CXCR2: variants seen among roughly 807,000 people sequenced by gnomAD.
CXCR2 encodes the protein C-X-C chemokine receptor type 2.
In CXCR2, 2 loss-of-function variants were observed where a neutral mutation model predicts 3.7. The observed-to-expected ratio is 0.55, with a 90% CI of 0.22 to 1.72. CXCR2 has a LOEUF of 1.72. CXCR2 is among the 40% of genes most tolerant of loss of function. CXCR2 has a pLI of 0.19. For synonymous variants in CXCR2, 203 were observed against 193.3 expected (o/e 1.05, Z -0.41); for missense variants, 351 against 450.1 (o/e 0.78, Z 1.99).
chr2:218,135,164 G>A lies in CXCR2; in HGVS notation c.363G>A (p.Val121=), dbSNP rs1231204062. 1 of 1,614,158 alleles carries A rather than the reference G, an allele frequency of 6.2e-7. No individual in the cohort carries two copies. Among genetic ancestry groups the A allele is most frequent in the South Asian group, 1.1e-5 (1 of 91,078 alleles). ...TTTTTGGCACATTCCTGTGCAAGGT[G>A]GTCTCACTCCTGAAGGAAGTCAACT... ...GWIFGTFLCK[V]VSLLKEVNFY... is the part of the protein sequence containing the mutation. Residue 121 remains valine, a synonymous_variant, in exon 3 of 3, where the codon GTG becomes GTA. Transcript: ENST00000318507. The surrounding 1 kb of genome is among the most constrained non-coding windows in gnomAD (Gnocchi z 4.0).
At position 218,135,741 on chromosome 2, in the gene CXCR2, T is replaced by C; in HGVS notation, c.940T>C (p.Tyr314His). Residue 314 changes from tyrosine to histidine, a missense_variant, in exon 3 of 3, where the codon TAC becomes CAC. By Grantham distance (83) the Tyr-to-His change is moderately conservative. Transcript: ENST00000318507. This position sits in a 1 kb window ranked among gnomAD's most constrained non-coding sequence, Gnocchi z 4.0. ...TCACAGCTGCCTCAACCCCCTCATCTACGCCTTCATTGGCCAGAAGTTTCG... is the reference window on the plus strand; with the variant it reads ...TCACAGCTGCCTCAACCCCCTCATCCACGCCTTCATTGGCCAGAAGTTTCG... ...ILHSCLNPLIYAFIGQKFRHG... is the reference protein window; with the variant it reads ...ILHSCLNPLIHAFIGQKFRHG... The C allele has an allele frequency of 6.2e-7, 1 of 1,614,096 alleles. No individual in the cohort carries two copies. The highest frequency in any genetic ancestry group is 8.5e-7 in the Non-Finnish European group (1 of 1,180,014).
chr2:218,136,514 A>G lies in CXCR2; in HGVS notation c.*630A>G, dbSNP rs1277642226. ...TAAAATGGTGTGACCACTGCAGAAG[A>G]CAGTATGGCAGCTTTCCTCAAAACT... On this transcript the variant is annotated 3_prime_UTR_variant, in exon 3 of 3. Transcript: ENST00000318507. 6.0e-6 allele frequency: 1 copy of G among 167,128 alleles called. No homozygotes were observed. The highest frequency in any genetic ancestry group is 2.4e-5 in the African/African-American group (1 of 41,434). 10.4% of individuals were successfully genotyped at this position (167,128 alleles called of 1,614,324 possible). A position where few individuals can be genotyped will look rare whatever the true frequency, so the allele number is the denominator to read the frequency against.
rs1690501614 is a variant in CXCR2 at position 218,126,111 on chromosome 2, C to T, written c.-320C>T. On this transcript the variant is annotated 5_prime_UTR_variant, in exon 1 of 3. Coordinates refer to ENST00000318507, the MANE Select transcript of CXCR2 (RefSeq NM_001557.4). ...CCATCAGACAGGAAGATGTGAAAAT[C>T]CCCAGCACTCATCCCAGAATCACTA... is the stretch of plus-strand genomic sequence containing the variant. The T allele has an allele frequency of 1.3e-5, 2 of 152,362 alleles. No homozygotes were observed. Among genetic ancestry groups the T allele is most frequent in the Admixed American group, 1.3e-4 (2 of 15,284 alleles). 9.4% of individuals were successfully genotyped at this position (152,362 alleles called of 1,614,324 possible). A position where few individuals can be genotyped will look rare whatever the true frequency, so the allele number is the denominator to read the frequency against.
At chr2:218,129,545 T>G (rs961533724) in intron 2 of CXCR2, among the ~76,000 whole-genome samples, 180 bp downstream of exon 2, 2 of 152,066 alleles carry the variant, frequency 1.3e-5, no homozygotes, top group African/African-American at 4.8e-5. Flanking sequence ...AGGAAGAACT[T>G]CTGTTCCTCC....
At position 218,132,668 on chromosome 2, in the gene CXCR2, T is replaced by C. The variant is rs17844695; in HGVS notation, c.-25-2109T>C. Reference sequence around the variant, plus strand: ...TATAACACAATGGTATTCTTATATATAAACATAGGAAAAGAACACTAAAAA... The same window carrying C: ...TATAACACAATGGTATTCTTATATACAAACATAGGAAAAGAACACTAAAAA... On this transcript the variant is annotated intron_variant, in intron 2 of 2. Coordinates refer to ENST00000318507, the MANE Select transcript of CXCR2 (RefSeq NM_001557.4). Among the ~76,000 whole-genome samples, 1,193 of 152,308 alleles carry C rather than the reference T, an allele frequency of 7.8e-3. 20 individuals carry two copies. The highest frequency in any genetic ancestry group is 0.027 in the African/African-American group (1,133 of 41,562).
intron 2 of CXCR2, among the ~76,000 whole-genome samples, chr2:218,129,948 A>T (rs1203710622): frequency 6.6e-6 from 1 of 152,114 alleles, no homozygotes; most frequent in Non-Finnish European, 1.5e-5. Context: ...CTCCCTTTTT[A>T]TCCTGGAATA....
At chr2:218,128,341 C>A (rs1274157647) in intron 1 of CXCR2, among the ~76,000 whole-genome samples, 1 of 152,154 alleles carries the variant, frequency 6.6e-6, no homozygotes. Context: ...AAGATTCTTT[C>A]TTTGGGGTAG....
chr2:218,134,737 G>A (rs1205335805), intron 2 of CXCR2, 40 bp from the exon 3 acceptor site: 3 of 1,529,124 alleles, frequency 2.0e-6, no homozygotes, highest in African/African-American at 2.8e-5. Context: ...CAAGAATATG[G>A]GGAATTTATT....
chr2:218,129,400 A>G (rs1189280911), intron 2 of CXCR2, 35 bp downstream of exon 2: 4 of 152,366 alleles, frequency 2.6e-5, no homozygotes, highest in African/African-American at 9.7e-5. Context: ...CCCACCAGCT[A>G]GAATGTCTCT....
chr2:218,131,657 G>A (rs989824897), intron 2 of CXCR2, among the ~76,000 whole-genome samples: 1 of 151,638 alleles, frequency 6.6e-6, no homozygotes, highest in Non-Finnish European at 1.5e-5. Context: ...TTTTAGTAGA[G>A]ACGGGGTTTC....
Position 218,135,203 on chromosome 2 carries a change from C to T in CXCR2, c.402C>T (p.Ile134=). 6.2e-7 allele frequency: 1 copy of T among 1,614,228 alleles called. No homozygotes were observed. The highest frequency in any genetic ancestry group is 8.5e-7 in the Non-Finnish European group (1 of 1,180,048). ...LLKEVNFYSG[I]LLLACISVDR... ...AGGAAGTCAACTTCTATAGTGGCAT[C>T]CTGCTACTGGCCTGCATCAGTGTGG... The change falls in exon 3 of 3, where the codon ATC becomes ATT. Residue 134 remains isoleucine, a synonymous_variant. Transcript: ENST00000318507. The surrounding 1 kb of genome is among the most constrained non-coding windows in gnomAD (Gnocchi z 4.0).
At chr2:218,134,752 A>G (rs1441920777) in intron 2 of CXCR2, 25 bp from the exon 3 acceptor site, 4 of 1,566,824 alleles carry the variant, frequency 2.6e-6, no homozygotes, top group Non-Finnish European at 3.5e-6. Context: ...TTTATTATGC[A>G]GTAACCTTCA....
chr2:218,127,436 T>A (rs1188787303), intron 1 of CXCR2, among the ~76,000 whole-genome samples: 1 of 152,196 alleles, frequency 6.6e-6, no homozygotes, highest in Non-Finnish European at 1.5e-5. Flanking sequence ...GCCAGTTTTT[T>A]AATTCACTCC....
chr2:218,132,535 A>G lies in CXCR2; in HGVS notation c.-25-2242A>G, dbSNP rs1690672664. ...GAGAAATATGTCATGTGAACATGGT[A>G]GAGTATACGATGCTATAGCCTACTA... On this transcript the variant is annotated intron_variant, in intron 2 of 2. Coordinates refer to ENST00000318507, the MANE Select transcript of CXCR2 (RefSeq NM_001557.4). 2.0e-5 allele frequency among the ~76,000 whole-genome samples: 3 copies of G among 152,254 alleles called. No homozygotes were observed. The South Asian group carries it at 6.2e-4, about 31-fold the overall frequency.
In CXCR2 at chr2:218,135,643, T is replaced by C; in HGVS notation, c.842T>C (p.Val281Ala). The C allele has an allele frequency of 6.2e-7, 1 of 1,614,132 alleles. No homozygotes were observed. Among genetic ancestry groups the C allele is most frequent in the Non-Finnish European group, 8.5e-7 (1 of 1,180,020 alleles). The change falls in exon 3 of 3, where the codon GTG becomes GCG. Residue 281 changes from valine (V) to alanine (A), a missense_variant. Val to Ala is a moderately conservative substitution (Grantham distance 64). Coordinates refer to ENST00000318507, the MANE Select transcript of CXCR2 (RefSeq NM_001557.4). This position sits in a 1 kb window ranked among gnomAD's most constrained non-coding sequence, Gnocchi z 4.0. ...LLADTLMRTQ[V>A]IQETCERRNH... Reference sequence around the variant, plus strand: ...GCAGACACCCTCATGAGGACCCAGGTGATCCAGGAGACCTGTGAGCGCCGC... The same window carrying C: ...GCAGACACCCTCATGAGGACCCAGGCGATCCAGGAGACCTGTGAGCGCCGC...
chr2:218,134,840 T>A lies in CXCR2; in HGVS notation c.39T>A (p.Asp13Glu). 1 of 1,614,038 alleles carries A rather than the reference T, an allele frequency of 6.2e-7. No homozygotes were observed. Among genetic ancestry groups the A allele is most frequent in the Non-Finnish European group, 8.5e-7 (1 of 1,179,942 alleles). ...DFNMESDSFE[D>E]FWKGEDLSNY... ...ACATGGAGAGTGACAGCTTTGAAGA[T>A]TTCTGGAAAGGTGAAGATCTTAGTA... is the stretch of plus-strand genomic sequence containing the variant. The change falls in exon 3 of 3, where the codon GAT (aspartate) becomes GAA (glutamate). Residue 13 changes from aspartate to glutamate, a missense_variant. Asp to Glu is a conservative substitution (Grantham distance 45). Coordinates refer to ENST00000318507, the MANE Select transcript of CXCR2 (RefSeq NM_001557.4).
chr2:218,127,462 G>A (rs769384215), intron 1 of CXCR2, among the ~76,000 whole-genome samples: 4 of 152,104 alleles, frequency 2.6e-5, no homozygotes, highest in Admixed American at 6.5e-5. Flanking sequence ...GCATATAACC[G>A]CAGTGATCTC....
Position 218,135,989 on chromosome 2 carries a change from C to G in CXCR2, c.*105C>G, listed in dbSNP as rs1011406440. The G allele has an allele frequency of 7.0e-7, 1 of 1,429,398 alleles. No homozygotes were observed. The highest frequency in any genetic ancestry group is 9.5e-7 in the Non-Finnish European group (1 of 1,057,016). 88.5% of individuals were successfully genotyped at this position (1,429,398 alleles called of 1,614,324 possible). On this transcript the variant is annotated 3_prime_UTR_variant, in exon 3 of 3. Transcript: ENST00000318507. The surrounding 1 kb of genome is among the most constrained non-coding windows in gnomAD (Gnocchi z 4.0). The stretch of plus-strand genomic sequence containing the variant: ...CTTCTTGGTCTCAGTGTCAATGCAG[C>G]CCCCATTGTGGTCACAGGAAGTAGA...
chr2:218,130,140 G>T (rs1690606487), intron 2 of CXCR2, among the ~76,000 whole-genome samples: 2 of 152,312 alleles, frequency 1.3e-5, no homozygotes, highest in South Asian at 4.1e-4. Flanking sequence ...ACTTAGCTTT[G>T]CTGGGCACGG....
Sources: gnomAD v4.1 joint callset for allele counts (sites outside exome capture counted in the v4.1 genomes callset) on GRCh38, gnomAD v4.1.1 for gene constraint, Gnocchi (gnomAD v3.1) non-coding constraint, MANE v1.5 for transcripts, NCBI Gene and HGNC (gene_info 2026-07-23, HGNC 2026-07-21) for gene names.